TMEM80: variants seen among roughly 807,000 people sequenced by gnomAD.
TMEM80 encodes transmembrane protein 80.
TMEM80 carries 16 observed loss-of-function variants against 13.6 expected under a neutral mutation model. That is an observed-to-expected ratio of 1.17 (90% CI 0.79 to 1.78). TMEM80 has a LOEUF of 1.78. Ranked by LOEUF, TMEM80 falls within the 40% of genes most tolerant of loss-of-function variation. The probability of loss-of-function intolerance (pLI) is 0.00; values close to 1 mark genes in which losing one functional copy is unlikely to be tolerated. For synonymous variants in TMEM80, 92 were observed against 89.5 expected (o/e 1.03, Z -0.16); for missense variants, 167 against 184.6 (o/e 0.90, Z 0.55).
chr11:698,199 A>G (rs1368661449), intron 1 of TMEM80, among the ~76,000 whole-genome samples: 1 of 152,118 alleles, frequency 6.6e-6, no homozygotes, highest in East Asian at 1.9e-4. Flanking sequence ...GCTCCAGGTC[A>G]GCGTGGATCC....
At chr11:704,680 C>T (rs1382402457), downstream of TMEM80, 2 of 1,280,486 alleles carry the variant, frequency 1.6e-6, no homozygotes, top group Middle Eastern at 2.1e-4. Flanking sequence ...AGCGAGCACA[C>T]AAAGGCAGTG....
upstream of TMEM80, chr11:695,803 C>T: frequency 1.6e-6 from 2 of 1,234,368 alleles, no homozygotes; most frequent in Middle Eastern, 2.7e-4. Flanking sequence ...GGGATCGCGA[C>T]GGACCGGCGG....
At chr11:700,081 C>T (rs1043177023) in intron 2 of TMEM80, 61 bp from the exon 3 acceptor site, 1 of 1,445,986 alleles carries the variant, frequency 6.9e-7, no homozygotes, top group African/African-American at 1.4e-5. Flanking sequence ...CCCTCTTGTT[C>T]AGCCACCTGG....
intron 4 of TMEM80, 119 bp downstream of exon 4, chr11:700,826 C>T (rs1005811948): frequency 6.3e-6 from 6 of 959,916 alleles, no homozygotes; most frequent in African/African-American, 4.8e-5. Context: ...ATCCAAACTG[C>T]TTACCCAGTT....
At chr11:699,862 C>G (rs1392582866) in intron 2 of TMEM80, 2 of 404,300 alleles carry the variant, frequency 4.9e-6, no homozygotes, top group East Asian at 8.7e-5. Flanking sequence ...GTCCCCTGAC[C>G]AGTCCTGTCC....
intron 1 of TMEM80, among the ~76,000 whole-genome samples, chr11:696,432 G>A (rs1470052996): frequency 1.3e-5 from 2 of 152,196 alleles, no homozygotes; most frequent in Admixed American, 1.3e-4. Flanking sequence ...CTACTCCATA[G>A]GCAGGACAGC....
rs531328944 is a variant in TMEM80 at position 703,831 on chromosome 11, G to A, written c.*681G>A. 1.7e-5 allele frequency: 21 copies of A among 1,234,536 alleles called. No individual in the cohort carries two copies. In the East Asian group the frequency reaches 2.5e-4, roughly 15 times the overall value. 76.5% of individuals were successfully genotyped at this position (1,234,536 alleles called of 1,614,324 possible). On this transcript the variant is annotated 3_prime_UTR_variant, in exon 5 of 5. Transcript: ENST00000397510. ...CGGAGGAGAGGTCAGGGCTAAGGCC[G>A]GGGATGAGACTGCAGGAGAGAGAGC...
chr11:703,079 G>GCCA lies in TMEM80; in HGVS notation c.363_365dup (p.Thr122dup). On this transcript the variant is annotated inframe_insertion, in exon 5 of 5. Transcript: ENST00000397510. ...GTTGTGGGCGGACTGGGCCCTCAGC[G>GCCA]CCACGCTCCTGGCCCTTCACGGCCT... 1 of 1,612,604 alleles carries GCCA rather than the reference G, an allele frequency of 6.2e-7. No homozygotes were observed. The highest frequency in any genetic ancestry group is 8.5e-7 in the Non-Finnish European group (1 of 1,179,696).
chr11:704,259 C>T, downstream of TMEM80: 1 of 744,188 alleles, frequency 1.3e-6, no homozygotes, highest in South Asian at 1.8e-5. Flanking sequence ...CGGGCGCCTT[C>T]CGCTCGGTGG....
At chr11:701,541 A>G (rs1461211419) in intron 4 of TMEM80, among the ~76,000 whole-genome samples, 48 of 149,940 alleles carry the variant, frequency 3.2e-4, no homozygotes, top group Middle Eastern at 3.4e-3. Context: ...CTCCCGAGTA[A>G]CTGGGACTAC....
chr11:704,325 G>C (rs1040340461), downstream of TMEM80: 2 of 781,866 alleles, frequency 2.6e-6, no homozygotes, highest in African/African-American at 1.8e-5. Context: ...GGGCTCCCTC[G>C]GCTGGGGTGG....
chr11:702,479 G>C (rs11823302), intron 4 of TMEM80, among the ~76,000 whole-genome samples: 1 of 152,214 alleles, frequency 6.6e-6, no homozygotes, highest in African/African-American at 2.4e-5. Context: ...GGCTCAGCTA[G>C]TGACTGACCC....
chr11:701,726 A>C (rs77121476), intron 4 of TMEM80, among the ~76,000 whole-genome samples: 1 of 151,882 alleles, frequency 6.6e-6, no homozygotes, highest in Admixed American at 6.6e-5. Flanking sequence ...GGGTTTCGCT[A>C]TGTTACCCTG....
chr11:695,855 G>T lies in TMEM80; in HGVS notation c.19+9G>T. 23 of 1,228,702 alleles carry T rather than the reference G, an allele frequency of 1.9e-5. No homozygotes were observed. The highest frequency in any genetic ancestry group is 4.0e-5 in the South Asian group (1 of 24,818). 76.1% of individuals were successfully genotyped at this position (1,228,702 alleles called of 1,614,324 possible). A position where few individuals can be genotyped will look rare whatever the true frequency, so the allele number is the denominator to read the frequency against. On this transcript the variant is annotated intron_variant, in intron 1 of 4. Transcript: ENST00000397510. The stretch of plus-strand genomic sequence containing the variant: ...GGCGGCCCCGCGGCGAGGTGAGCTC[G>T]GGCGGGGTGGGGGCTTCCGGGCTTG...
At chr11:698,386 T>G (rs191768110) in intron 1 of TMEM80, among the ~76,000 whole-genome samples, 36 of 152,356 alleles carry the variant, frequency 2.4e-4, no homozygotes, top group Admixed American at 9.8e-4. Context: ...TCCTTATTTT[T>G]GGAGGGATAT....
chr11:698,243 C>T (rs558107449), intron 1 of TMEM80, among the ~76,000 whole-genome samples: 1 of 152,054 alleles, frequency 6.6e-6, no homozygotes, highest in African/African-American at 2.4e-5. Context: ...GATGCAAAAC[C>T]TCAGAATCAA....
intron 1 of TMEM80, among the ~76,000 whole-genome samples, chr11:697,123 G>C (rs73407131): frequency 0.01 from 1,455 of 139,692 alleles, 23 homozygotes; most frequent in African/African-American, 0.037. Flanking sequence ...AATTACCTCA[G>C]GGAGCCTGTG....
At chr11:695,642 T>G, upstream of TMEM80, 1 of 1,245,028 alleles carries the variant, frequency 8.0e-7, no homozygotes, top group East Asian at 3.2e-5. Flanking sequence ...ACCTCTTCCC[T>G]TCCGAAAGTG....
chr11:698,961 T>C, intron 2 of TMEM80, 73 bp downstream of exon 2: 3 of 1,583,942 alleles, frequency 1.9e-6, no homozygotes, highest in South Asian at 2.2e-5. Context: ...GCACTCGGCC[T>C]CACCCCACGT....
Sources: allele counts gnomAD v4.1 joint callset (sites outside exome capture counted in the v4.1 genomes callset), GRCh38; gene constraint gnomAD v4.1.1; transcripts MANE v1.5; gene names NCBI Gene and HGNC (gene_info 2026-07-23, HGNC 2026-07-21).